The following CCNH variants were observed in gnomAD, a reference collection of about 807,000 sequenced individuals.
CCNH encodes cyclin H, also known as cyclin-H.
A neutral mutation model predicts 41.9 loss-of-function variants in CCNH; 31 were observed. That is an observed-to-expected ratio of 0.74 (90% confidence interval 0.56 to 1.00). The LOEUF (loss-of-function observed/expected upper bound fraction) is 1.00, where lower values mean the gene tolerates loss of function less well. CCNH is among the 50% of genes least tolerant of loss of function. The pLI is 0.00. For synonymous variants in CCNH, 138 were observed against 136.1 expected (o/e 1.01, Z -0.10); for missense variants, 362 against 388.4 (o/e 0.93, Z 0.57).
intron 2 of CCNH, 81 bp downstream of exon 2, chr5:87,411,143 T>A (rs946932938): frequency 1.4e-6 from 2 of 1,402,274 alleles, no homozygotes; most frequent in Admixed American, 5.0e-5. Context: ...TTTTAAGACT[T>A]GAGTGGACAG....
rs772139174 is a variant in CCNH at position 87,394,493 on chromosome 5, GAAA to G, written c.934-12_934-10del. 10 of 1,612,290 alleles carry G rather than the reference GAAA, an allele frequency of 6.2e-6. No homozygotes were observed. The highest frequency in any genetic ancestry group is 8.5e-6 in the Non-Finnish European group (10 of 1,179,082). On this transcript the variant is annotated splice_polypyrimidine_tract_variant and intron_variant, in intron 8 of 8. Transcript: ENST00000256897. Reference sequence around the variant, plus strand: ...TCATCAGTCCATTCTTCCTAAGAAGGAAAAAAAGTGTGGTAAGGATAACACTGA... The same window carrying G: ...TCATCAGTCCATTCTTCCTAAGAAGGAAAAGTGTGGTAAGGATAACACTGA...
downstream of CCNH, among the ~76,000 whole-genome samples, chr5:87,313,422 G>A (rs1480737874): frequency 6.6e-6 from 1 of 152,168 alleles, no homozygotes; most frequent in East Asian, 1.9e-4. Flanking sequence ...TAGCTTGAAT[G>A]GGAGAGTGAA....
At chr5:87,368,371 A>G (rs1760682197) in intron 9 of CCNH, among the ~76,000 whole-genome samples, 1 of 152,068 alleles carries the variant, frequency 6.6e-6, no homozygotes, top group Non-Finnish European at 1.5e-5. Flanking sequence ...TTTAATTATA[A>G]TTACTTGAAA....
rs1760016600 is a variant in CCNH at position 87,360,635 on chromosome 5, TAAGTA to T, written c.*90+32130_*90+32134del. 2.6e-5 allele frequency among the ~76,000 whole-genome samples: 4 copies of T among 152,186 alleles called. No homozygotes were observed. The South Asian group carries it at 8.3e-4, about 31-fold the overall frequency. On this transcript the variant is annotated intron_variant and NMD_transcript_variant, in intron 9 of 9. Transcript: ENST00000645953. Reference sequence around the variant, plus strand: ...ATATTTGCCCATTCACAAATCATATTAAGTAAATTTTGATGTACATACAAAAATTT... The same window carrying T: ...ATATTTGCCCATTCACAAATCATATTAATTTTGATGTACATACAAAAATTT...
chr5:87,411,933 T>C (rs1031599100), intron 1 of CCNH, among the ~76,000 whole-genome samples: 1 of 152,140 alleles, frequency 6.6e-6, no homozygotes, highest in Non-Finnish European at 1.5e-5. Context: ...GGAGTGGAGC[T>C]TGCAGGAAAG....
exon 1 of CCNH, chr5:87,376,660 A>G: frequency 7.0e-7 from 1 of 1,434,058 alleles, no homozygotes; most frequent in Non-Finnish European, 9.7e-7. Context: ...AGTAATTCAT[A>G]GCTTAGTAGC....
intron 9 of CCNH, chr5:87,332,471 GA>G (rs746630237): frequency 4.4e-5 from 70 of 1,573,392 alleles, no homozygotes; most frequent in Non-Finnish European, 5.8e-5. Flanking sequence ...TGGCTGTAAA[GA>G]TTTTTTTATA....
chr5:87,384,165 A>C (rs1345060910), intron 9 of CCNH, among the ~76,000 whole-genome samples: 2 of 152,144 alleles, frequency 1.3e-5, no homozygotes, highest in Non-Finnish European at 2.9e-5. Context: ...AAATTAAATG[A>C]TATGTACAGT....
downstream of CCNH, among the ~76,000 whole-genome samples, chr5:87,314,637 T>C (rs73156358): frequency 1.7e-3 from 258 of 152,246 alleles, 1 homozygote; most frequent in Middle Eastern, 0.017. Flanking sequence ...GTTCAGCTCA[T>C]AGCTTGGGTA....
At chr5:87,380,619 T>G, upstream of CCNH, 1 of 1,537,556 alleles carries the variant, frequency 6.5e-7, no homozygotes, top group Non-Finnish European at 9.0e-7. Context: ...ATTGATTTGT[T>G]AAATCACATA....
At chr5:87,394,796 TGTA>T in intron 8 of CCNH, 17 of 1,342,226 alleles carry the variant, frequency 1.3e-5, no homozygotes, top group South Asian at 4.4e-5. Context: ...AAAGCAAAAA[TGTA>T]GTATGTATAC....
intron 6 of CCNH, among the ~76,000 whole-genome samples, 163 bp from the exon 7 acceptor site, chr5:87,399,668 C>T (rs1448080739): frequency 6.6e-6 from 1 of 152,188 alleles, no homozygotes; most frequent in Non-Finnish European, 1.5e-5. Flanking sequence ...ACATTAAAAT[C>T]CAATAAGCAC....
downstream of CCNH, among the ~76,000 whole-genome samples, chr5:87,373,385 T>C (rs1253873639): frequency 1.3e-5 from 2 of 152,140 alleles, no homozygotes; most frequent in Non-Finnish European, 2.9e-5. Context: ...TACTATGTCA[T>C]TTTCTATACG....
chr5:87,369,491 G>C (rs1760769347), intron 9 of CCNH, among the ~76,000 whole-genome samples: 2 of 152,166 alleles, frequency 1.3e-5, no homozygotes, highest in South Asian at 4.1e-4. Flanking sequence ...TGCATATAAA[G>C]CTTTTCAAAT....
rs1453127165 is a variant in CCNH, at chr5:87,362,711, C to T, written c.*90+30059G>A. 39 of 1,584,468 alleles carry T rather than the reference C, an allele frequency of 2.5e-5. 1 individual carries two copies. Among genetic ancestry groups the T allele is most frequent in the South Asian group, 2.4e-4 (22 of 90,202 alleles). On this transcript the variant is annotated intron_variant and NMD_transcript_variant, in intron 9 of 9. Transcript: ENST00000645953. ...TTATCATTAACCCATTTGATAGAGA[C>T]GTTGTAAATATGGAGCTCCGAACTT...
upstream of CCNH, chr5:87,379,920 C>G (rs1230466101): frequency 1.4e-6 from 2 of 1,458,880 alleles, no homozygotes; most frequent in Admixed American, 1.8e-5. Flanking sequence ...ATTTCTAAAA[C>G]GTGAAAGCTT....
intron 9 of CCNH, among the ~76,000 whole-genome samples, chr5:87,319,360 A>G (rs1756602561): frequency 6.6e-6 from 1 of 152,188 alleles, no homozygotes; most frequent in Non-Finnish European, 1.5e-5. Context: ...GCCCTAGTAG[A>G]GGGTCTCCAT....
intron 9 of CCNH, chr5:87,341,199 G>C (rs1233133703): frequency 7.7e-6 from 5 of 651,926 alleles, no homozygotes; most frequent in Non-Finnish European, 1.1e-5. Context: ...ATAGTGTGGG[G>C]ATATGTTTGC....
chr5:87,354,991 A>C (rs754208503), intron 9 of CCNH, among the ~76,000 whole-genome samples: 1 of 152,170 alleles, frequency 6.6e-6, no homozygotes, highest in African/African-American at 2.4e-5. Flanking sequence ...AGGAAGCTCC[A>C]GAAGAAAAGT....
Sources: gnomAD v4.1 joint callset for allele counts (sites outside exome capture counted in the v4.1 genomes callset) on GRCh38, gnomAD v4.1.1 for gene constraint, MANE v1.5 for transcripts, NCBI Gene and HGNC (gene_info 2026-07-23, HGNC 2026-07-21) for gene names.